ADAMTSL1: variants seen among roughly 807,000 people sequenced by gnomAD.
ADAMTSL1 encodes ADAMTS-like protein 1.
ADAMTSL1 carries 126 observed loss-of-function variants against 201.8 expected under a neutral mutation model. The observed-to-expected ratio is 0.62, with a 90% CI of 0.54 to 0.72. ADAMTSL1 has a LOEUF of 0.72. Ranked by LOEUF, ADAMTSL1 falls within the 30% of genes least tolerant of loss-of-function variation. ADAMTSL1 has a pLI of 0.00. For synonymous variants in ADAMTSL1, 1,121 were observed against 903.4 expected (o/e 1.24, Z -4.32); for missense variants, 2,679 against 2,277.8 (o/e 1.18, Z -3.59).
intron 16 of ADAMTSL1, among the ~76,000 whole-genome samples, chr9:18,768,341 G>A (rs1281179699): frequency 6.6e-6 from 1 of 152,146 alleles, no homozygotes; most frequent in Non-Finnish European, 1.5e-5. Flanking sequence ...TTCTCCAGCT[G>A]CGTCCAGAGC....
intron 1 of ADAMTSL1, among the ~76,000 whole-genome samples, chr9:18,147,167 C>T (rs1248003509): frequency 6.6e-6 from 1 of 151,974 alleles, no homozygotes; most frequent in East Asian, 1.9e-4. Context: ...TTAGTTTGAC[C>T]AAGTATAAAA....
At chr9:17,940,027 G>T (rs1827171798) in intron 1 of ADAMTSL1, among the ~76,000 whole-genome samples, 1 of 151,956 alleles carries the variant, frequency 6.6e-6, no homozygotes, top group African/African-American at 2.4e-5. Context: ...GAGAAAGGAG[G>T]GTGTATTGGG....
intron 2 of ADAMTSL1, among the ~76,000 whole-genome samples, chr9:18,362,372 TTTGA>T (rs745626262): frequency 2.0e-5 from 3 of 152,234 alleles, no homozygotes; most frequent in African/African-American, 7.2e-5. Flanking sequence ...AGAATAATTG[TTTGA>T]TTGAACATAG....
chr9:18,254,889 A>G (rs1032384954), intron 2 of ADAMTSL1, among the ~76,000 whole-genome samples: 4 of 152,168 alleles, frequency 2.6e-5, no homozygotes, highest in Non-Finnish European at 5.9e-5. Context: ...GACATTATCT[A>G]GAGCAAGAAT....
intron 9 of ADAMTSL1, among the ~76,000 whole-genome samples, chr9:18,665,267 C>T (rs1193236912): frequency 1.3e-5 from 2 of 151,962 alleles, no homozygotes; most frequent in African/African-American, 4.8e-5. Flanking sequence ...TTGTGTTTAC[C>T]AAAATAGCTT....
chr9:18,437,484 C>A (rs1324406420), intron 2 of ADAMTSL1, among the ~76,000 whole-genome samples: 1 of 152,082 alleles, frequency 6.6e-6, no homozygotes, highest in Non-Finnish European at 1.5e-5. Flanking sequence ...ACTGCCTTCT[C>A]ACTGCTACAG....
chr9:18,856,116 A>G (rs1188927443), intron 23 of ADAMTSL1, among the ~76,000 whole-genome samples: 1 of 152,218 alleles, frequency 6.6e-6, no homozygotes, highest in African/African-American at 2.4e-5. Context: ...TACCAGGGAG[A>G]TAGGACCATG....
At chr9:18,492,529 A>T (rs1191405812) in intron 1 of ADAMTSL1, among the ~76,000 whole-genome samples, 2 of 152,234 alleles carry the variant, frequency 1.3e-5, no homozygotes, top group Non-Finnish European at 2.9e-5. Context: ...GCTTTGTAAC[A>T]AAACAATTCT....
At chr9:18,114,264 A>AGG (rs1825154383) in intron 1 of ADAMTSL1, among the ~76,000 whole-genome samples, 1 of 152,184 alleles carries the variant, frequency 6.6e-6, no homozygotes, top group Non-Finnish European at 1.5e-5. Flanking sequence ...TTCAACTCAA[A>AGG]CACTCTCCCA....
chr9:18,889,808 CGA>C, intron 25 of ADAMTSL1, 60 bp downstream of exon 25: 1 of 1,388,952 alleles, frequency 7.2e-7, no homozygotes, highest in Non-Finnish European at 9.3e-7. Context: ...TCCCTGTTAG[CGA>C]AGTCAGTGGC....
intron 1 of ADAMTSL1, among the ~76,000 whole-genome samples, chr9:18,129,965 C>T (rs146381146): frequency 0.013 from 1,962 of 152,198 alleles, 23 homozygotes; most frequent in Middle Eastern, 0.031. Context: ...CTGAGCTGCC[C>T]GCTGCCAGCC....
intron 21 of ADAMTSL1, among the ~76,000 whole-genome samples, chr9:18,822,858 T>C (rs1027161386): frequency 3.3e-5 from 5 of 152,240 alleles, no homozygotes; most frequent in African/African-American, 1.2e-4. Flanking sequence ...TGAGGTATTC[T>C]GAACATCAGT....
At chr9:18,093,638 G>A (rs961973343) in intron 1 of ADAMTSL1, among the ~76,000 whole-genome samples, 2 of 152,112 alleles carry the variant, frequency 1.3e-5, no homozygotes, top group Admixed American at 6.5e-5. Flanking sequence ...ACTAACAAAT[G>A]TAACTATAAA....
chr9:18,125,300 G>A (rs988632893), intron 1 of ADAMTSL1, among the ~76,000 whole-genome samples: 10 of 152,078 alleles, frequency 6.6e-5, no homozygotes, highest in Admixed American at 5.2e-4. Flanking sequence ...TCACTACCAT[G>A]AGAACAATGC....
At chr9:18,774,612 A>C (rs1820874564) in intron 17 of ADAMTSL1, among the ~76,000 whole-genome samples, 1 of 152,140 alleles carries the variant, frequency 6.6e-6, no homozygotes, top group Non-Finnish European at 1.5e-5. Context: ...AAATTCTGTA[A>C]TTACAATTCT....
chr9:18,294,184 G>T (rs1833381697), intron 2 of ADAMTSL1, among the ~76,000 whole-genome samples: 1 of 152,170 alleles, frequency 6.6e-6, no homozygotes, highest in South Asian at 2.1e-4. Flanking sequence ...CTGATTCCCA[G>T]GTTGATGTGG....
chr9:17,935,612 C>G (rs192610424), intron 1 of ADAMTSL1, among the ~76,000 whole-genome samples: 1 of 152,240 alleles, frequency 6.6e-6, no homozygotes, highest in Admixed American at 6.5e-5. Context: ...TGACAGGGAA[C>G]TTAGTTCTTT....
chr9:18,733,406 T>C lies in ADAMTSL1; in HGVS notation c.2006+11741T>C, dbSNP rs560692920. 9.9e-5 allele frequency among the ~76,000 whole-genome samples: 15 copies of C among 152,276 alleles called. No homozygotes were observed. The East Asian group carries it at 2.9e-3, about 29-fold the overall frequency. On this transcript the variant is annotated intron_variant, in intron 15 of 28. Transcript: ENST00000380548. Reference sequence around the variant, plus strand: ...CCAACACATAGGAAATGAAGCATGCTAAAAGAGGAGTCTAATAGAGCTAAA... The same window carrying C: ...CCAACACATAGGAAATGAAGCATGCCAAAAGAGGAGTCTAATAGAGCTAAA...
chr9:18,317,057 G>T (rs1426381376), intron 2 of ADAMTSL1, among the ~76,000 whole-genome samples: 1 of 152,160 alleles, frequency 6.6e-6, no homozygotes, highest in Admixed American at 6.5e-5. Context: ...TTAAAAAGAA[G>T]ACAATCTTGT....
Sources: gnomAD v4.1 joint callset for allele counts (sites outside exome capture counted in the v4.1 genomes callset) on GRCh38, gnomAD v4.1.1 for gene constraint, MANE v1.5 for transcripts, NCBI Gene and HGNC (gene_info 2026-07-23, HGNC 2026-07-21) for gene names.